The following RAB6B variants were observed in gnomAD, a reference collection of about 807,000 sequenced individuals.
RAB6B encodes ras-related protein Rab-6B.
In RAB6B, 7 loss-of-function variants were observed where a neutral mutation model predicts 31.2. The ratio of observed to expected loss-of-function variants is 0.22; its 90% CI spans 0.13 to 0.42. RAB6B has a LOEUF of 0.42. Among genes scored for constraint, RAB6B ranks in the 10% least tolerant of loss-of-function variants. The probability of loss-of-function intolerance (pLI) is 1.00; values close to 1 mark genes in which losing one functional copy is unlikely to be tolerated. For missense variants in RAB6B, 149 were observed against 280.6 expected (o/e 0.53, Z 3.35); for synonymous variants, 105 against 104.9 (o/e 1.00, Z -0.01).
intron 2 of RAB6B, among the ~76,000 whole-genome samples, chr3:133,842,837 T>C (rs1935856214): frequency 6.6e-6 from 1 of 152,210 alleles, no homozygotes; most frequent in Admixed American, 6.5e-5. Context: ...TTCTCTACTT[T>C]CCACAATGAA....
chr3:133,880,938 G>A (rs1211121600), intron 1 of RAB6B, among the ~76,000 whole-genome samples: 1 of 152,196 alleles, frequency 6.6e-6, no homozygotes, highest in Non-Finnish European at 1.5e-5. Flanking sequence ...CTGACTCTGG[G>A]GTGGAAAATG....
intron 1 of RAB6B, among the ~76,000 whole-genome samples, chr3:133,877,886 A>G (rs1357047762): frequency 6.6e-6 from 1 of 151,700 alleles, no homozygotes; most frequent in Admixed American, 6.6e-5. Flanking sequence ...TTTCAAAGAC[A>G]CAAATCAAAC....
Position 133,824,744 on chromosome 3 carries a change from C to CA in RAB6B, c.*4043dup, listed in dbSNP as rs1935529609. On this transcript the variant is annotated 3_prime_UTR_variant, in exon 8 of 8. Transcript: ENST00000285208. ...GAGCCCAAAATACCACCAATATTCT[C>CA]ACTCATATGCTGGGAAGAACCTAGT... is the stretch of plus-strand genomic sequence containing the variant. 1 of 152,164 alleles carries CA rather than the reference C, an allele frequency of 6.6e-6. No homozygotes were observed. The highest frequency in any genetic ancestry group is 2.1e-4 in the South Asian group (1 of 4,826). The allele number at this position is 152,164 out of a possible 1,614,324, so 9.4% of individuals were successfully genotyped here.
At chr3:133,867,970 A>G (rs889434763) in intron 1 of RAB6B, among the ~76,000 whole-genome samples, 1 of 152,082 alleles carries the variant, frequency 6.6e-6, no homozygotes, top group Non-Finnish European at 1.5e-5. Context: ...CTGCCAGGGT[A>G]ATGTGTGTTA....
At chr3:133,869,282 T>A (rs1936283957) in intron 1 of RAB6B, among the ~76,000 whole-genome samples, 1 of 151,998 alleles carries the variant, frequency 6.6e-6, no homozygotes, top group East Asian at 1.9e-4. Context: ...AGCCAGACAG[T>A]GTGTGAGGAA....
At chr3:133,881,273 T>C (rs1437713267) in intron 1 of RAB6B, among the ~76,000 whole-genome samples, 2 of 152,104 alleles carry the variant, frequency 1.3e-5, no homozygotes, top group Non-Finnish European at 2.9e-5. Context: ...GCTGATCTTA[T>C]CAGAGGAGAT....
chr3:133,853,462 T>C (rs1475282806), intron 2 of RAB6B, among the ~76,000 whole-genome samples: 1 of 150,810 alleles, frequency 6.6e-6, no homozygotes, highest in Non-Finnish European at 1.5e-5. Context: ...ATGGGGAGCA[T>C]ATGTCTGCCG....
chr3:133,841,880 G>A (rs1283881685), intron 2 of RAB6B, among the ~76,000 whole-genome samples: 1 of 152,168 alleles, frequency 6.6e-6, no homozygotes, highest in Non-Finnish European at 1.5e-5. Context: ...CCTTTATAGG[G>A]TGAGATCTTC....
intron 2 of RAB6B, among the ~76,000 whole-genome samples, chr3:133,851,034 C>T (rs1007061882): frequency 1.4e-5 from 2 of 148,084 alleles, no homozygotes; most frequent in African/African-American, 4.9e-5. Context: ...AAAAAAAAAC[C>T]GTGGAAACAG....
intron 1 of RAB6B, among the ~76,000 whole-genome samples, chr3:133,875,486 C>T (rs764569705): frequency 6.6e-6 from 1 of 152,130 alleles, no homozygotes; most frequent in Non-Finnish European, 1.5e-5. Flanking sequence ...GTTCTGGAGA[C>T]GCACTATACA....
chr3:133,840,756 T>C (rs550478453), intron 4 of RAB6B, among the ~76,000 whole-genome samples: 4 of 151,890 alleles, frequency 2.6e-5, no homozygotes, highest in Non-Finnish European at 5.9e-5. Context: ...GCAGTCCTGT[T>C]AAGAACACCT....
chr3:133,865,361 C>T (rs1208989773), intron 1 of RAB6B, among the ~76,000 whole-genome samples: 4 of 152,360 alleles, frequency 2.6e-5, no homozygotes, highest in South Asian at 2.1e-4. Flanking sequence ...GAAAACAGGA[C>T]GTCTCTTGGG....
At chr3:133,894,226 C>G (rs1303428890) in intron 1 of RAB6B, among the ~76,000 whole-genome samples, 1 of 152,190 alleles carries the variant, frequency 6.6e-6, no homozygotes, top group Admixed American at 6.5e-5. Context: ...GGTCCTGTCC[C>G]GCAAGGACAG....
chr3:133,860,605 C>A (rs1018707325), intron 2 of RAB6B, among the ~76,000 whole-genome samples: 9 of 152,256 alleles, frequency 5.9e-5, no homozygotes, highest in African/African-American at 2.2e-4. Context: ...TGAGGATCAC[C>A]TGCAAGGCCA....
intron 1 of RAB6B, 84 bp downstream of exon 1, chr3:133,895,313 T>G: frequency 6.9e-7 from 1 of 1,447,506 alleles, no homozygotes. Flanking sequence ...TTTCCGAGCC[T>G]GGGCCGGGGG....
intron 2 of RAB6B, among the ~76,000 whole-genome samples, chr3:133,845,740 T>G (rs1935900635): frequency 6.6e-6 from 1 of 150,964 alleles, no homozygotes; most frequent in South Asian, 2.1e-4. Flanking sequence ...CACTGTACAA[T>G]AAAAAAGGAC....
intron 6 of RAB6B, among the ~76,000 whole-genome samples, chr3:133,835,141 T>C (rs2692670): frequency 0.81 from 123,984 of 152,230 alleles, 51,521 homozygotes; most frequent in African/African-American, 0.96. Context: ...GGCACAGTGG[T>C]GAGGCTTCTC....
chr3:133,892,361 C>T (rs1443129689), intron 1 of RAB6B, among the ~76,000 whole-genome samples: 1 of 152,154 alleles, frequency 6.6e-6, no homozygotes, highest in Non-Finnish European at 1.5e-5. Flanking sequence ...TTCCACAGGC[C>T]AGGGGGACAG....
chr3:133,825,264 T>TGTCA lies in RAB6B; in HGVS notation c.*3520_*3523dup, dbSNP rs1209083798. On this transcript the variant is annotated 3_prime_UTR_variant, in exon 8 of 8. Transcript: ENST00000285208. The stretch of plus-strand genomic sequence containing the variant: ...GAAGCCAGGAGGGCCATCCCTTTAT[T>TGTCA]GTCACAACTGGTATCCCAGGGCAGG... 1 of 152,210 alleles carries TGTCA rather than the reference T, an allele frequency of 6.6e-6. No individual in the cohort carries two copies. Among genetic ancestry groups the TGTCA allele is most frequent in the African/African-American group, 2.4e-5 (1 of 41,444 alleles). 9.4% of individuals were successfully genotyped at this position (152,210 alleles called of 1,614,324 possible). A position where few individuals can be genotyped will look rare whatever the true frequency, so the allele number is the denominator to read the frequency against.
Sources: allele counts gnomAD v4.1 joint callset (sites outside exome capture counted in the v4.1 genomes callset), GRCh38; gene constraint gnomAD v4.1.1; transcripts MANE v1.5; gene names NCBI Gene and HGNC (gene_info 2026-07-23, HGNC 2026-07-21).